Variants in APC observed in about 807,000 individuals in gnomAD.
The protein encoded by APC is APC regulator of Wnt signaling pathway, also known as adenomatous polyposis coli protein.
A neutral mutation model predicts 247.0 loss-of-function variants in APC; 72 were observed. The observed-to-expected ratio is 0.29, with a 90% CI of 0.24 to 0.35. The LOEUF (loss-of-function observed/expected upper bound fraction) is 0.35, where lower values mean the gene tolerates loss of function less well. Ranked by LOEUF, APC falls within the 10% of genes least tolerant of loss-of-function variation. The pLI is 1.00. For synonymous variants in APC, 1,254 were observed against 1,162.5 expected (o/e 1.08, Z -1.60); for missense variants, 3,400 against 3,360.7 (o/e 1.01, Z -0.29).
intron 8 of APC, among the ~76,000 whole-genome samples, chr5:112,805,069 A>G (rs1182655249): frequency 6.6e-6 from 1 of 152,002 alleles, no homozygotes; most frequent in Non-Finnish European, 1.5e-5. Context: ...TAATGTGTGT[A>G]TATGCATAGA....
At chr5:112,734,374 C>CT, upstream of APC, among the ~76,000 whole-genome samples, 1 of 152,314 alleles carries the variant, frequency 6.6e-6, no homozygotes, top group East Asian at 1.9e-4. Flanking sequence ...ACACATCTAA[C>CT]TTATCTCTTC....
At position 112,815,544 on chromosome 5, in the gene APC, G is replaced by T. The variant is rs752996559; in HGVS notation, c.884G>T (p.Ser295Ile). The change falls in exon 9 of 16, where the codon AGT becomes ATT. Residue 295 changes from serine to isoleucine, a missense_variant. By Grantham distance (142) the Ser-to-Ile change is moderately radical (BLOSUM62 -2). Around this residue, in one of 9 missense-constraint regions of APC, gnomAD observed 372 missense variants for 367.6 expected, o/e 1.01. Coordinates refer to ENST00000257430, the MANE Select transcript of APC (RefSeq NM_000038.6). ...GAAACAGCCAGTGTTTTGAGTTCTA[G>T]TAGCACACACTCTGCACCTCGAAGG... ...DHETASVLSS[S>I]STHSAPRRLT... The T allele has an allele frequency of 2.5e-6, 4 of 1,612,472 alleles. No individual in the cohort carries two copies. Among genetic ancestry groups the T allele is most frequent in the Middle Eastern group, 1.7e-4 (1 of 6,044 alleles).
At chr5:112,727,330 A>T (rs972685953) in intron 1 of APC, among the ~76,000 whole-genome samples, 1 of 152,198 alleles carries the variant, frequency 6.6e-6, no homozygotes, top group Admixed American at 6.5e-5. Context: ...AAAAAGGAAG[A>T]AAATGGTATA....
In APC at chr5:112,775,612, TAA is replaced by T. The variant is rs730881230; in HGVS notation, c.423-5_423-4del. 435 of 1,164,332 alleles carry T rather than the reference TAA, an allele frequency of 3.7e-4. No individual in the cohort carries two copies. The highest frequency in any genetic ancestry group is 5.5e-4 in the South Asian group (37 of 67,328). 72.1% of individuals were successfully genotyped at this position (1,164,332 alleles called of 1,614,324 possible). Reference sequence around the variant, plus strand: ...AGCATTGTTTAAACGTACCTTTTTTTAAAAAAAAAAAAATAGGTCATTGCTTC... The same window carrying T: ...AGCATTGTTTAAACGTACCTTTTTTTAAAAAAAAAAATAGGTCATTGCTTC... On this transcript the variant is annotated splice_polypyrimidine_tract_variant and intron_variant, in intron 4 of 15. Coordinates refer to ENST00000257430, the MANE Select transcript of APC (RefSeq NM_000038.6).
At chr5:112,804,758 C>G (rs951753660) in intron 8 of APC, among the ~76,000 whole-genome samples, 1 of 152,048 alleles carries the variant, frequency 6.6e-6, no homozygotes, top group Admixed American at 6.6e-5. Context: ...CTTAGGGAGG[C>G]CAAGCGGGAA....
chr5:112,841,800 G>A lies in APC; in HGVS notation c.6206G>A (p.Gly2069Asp), dbSNP rs1254674705. The change falls in exon 16 of 16, where the codon GGT (glycine) becomes GAT (aspartate). Residue 2069 changes from glycine to aspartate, a missense_variant. Transcript: ENST00000257430. The surrounding 1 kb of genome is among the most constrained non-coding windows in gnomAD (Gnocchi z 4.6). ...DNEKHSPRNM[G>D]GILGEDLTLD... ...GAAAAACATAGTCCCAGAAATATGG[G>A]TGGCATATTAGGTGAAGATCTGACA... 1 of 1,614,062 alleles carries A rather than the reference G, an allele frequency of 6.2e-7. No individual in the cohort carries two copies. Among genetic ancestry groups the A allele is most frequent in the Admixed American group, 1.7e-5 (1 of 60,018 alleles).
chr5:112,740,745 C>G (rs190247441), intron 1 of APC, among the ~76,000 whole-genome samples: 1 of 151,798 alleles, frequency 6.6e-6, no homozygotes, highest in East Asian at 1.9e-4. Context: ...AGGGTGGTCT[C>G]GAACTCGTGA....
chr5:112,743,384 G>T (rs952461671), intron 1 of APC, among the ~76,000 whole-genome samples: 1 of 151,976 alleles, frequency 6.6e-6, no homozygotes, highest in African/African-American at 2.4e-5. Context: ...GGCCATCTTT[G>T]TGGGGCCATA....
rs767875993 is a variant in APC at position 112,775,651 on chromosome 5, G to C, written c.445G>C (p.Asp149His). 3.7e-6 allele frequency: 6 copies of C among 1,602,792 alleles called. No homozygotes were observed. In the South Asian group the frequency reaches 4.5e-5, roughly 12 times the overall value. The change falls in exon 5 of 16, where the codon GAC becomes CAC. Residue 149 changes from aspartate (D) to histidine (H), a missense_variant. Asp to His is a moderately conservative substitution (Grantham distance 81). This residue lies in a region of APC where 372 missense variants were observed against 367.6 expected (regional missense o/e 1.01). Transcript: ENST00000257430. ...KERSLLLADL[D>H]KEEKEKDWYY... is the part of the protein sequence containing the mutation. The stretch of plus-strand genomic sequence containing the variant: ...TAGGTCATTGCTTCTTGCTGATCTT[G>C]ACAAAGAAGAAAAGGAAAAAGACTG...
intron 15 of APC, among the ~76,000 whole-genome samples, chr5:112,835,923 T>G (rs556367955): frequency 3.2e-4 from 49 of 151,250 alleles, no homozygotes; most frequent in Admixed American, 4.6e-4. Context: ...TCTGCTAGAG[T>G]TGTAAAACCC....
chr5:112,751,684 A>T (rs67348312), intron 1 of APC, among the ~76,000 whole-genome samples: 7,956 of 150,426 alleles, frequency 0.053, 267 homozygotes, highest in Non-Finnish European at 0.078. Context: ...ATATTATTAT[A>T]ATAATATTTC....
rs1432280780 is a variant in APC at position 112,719,327 on chromosome 5, C to A, written c.165+11445C>A. Among the ~76,000 whole-genome samples the A allele has an allele frequency of 2.0e-5, 3 of 152,060 alleles. No homozygotes were observed. The East Asian group carries it at 5.8e-4, about 29-fold the overall frequency. On this transcript the variant is annotated intron_variant, in intron 1 of 13. Coordinates refer to the APC transcript ENST00000507379. ...CTGCTTTCTAGGTTCAAGCAATTCT[C>A]CTGCCTCAGCCCTCCGAGTAGCTGG...
chr5:112,761,838 A>G (rs982869250), intron 2 of APC, among the ~76,000 whole-genome samples: 2 of 152,212 alleles, frequency 1.3e-5, no homozygotes, highest in African/African-American at 4.8e-5. Context: ...TGGGTGGGCA[A>G]AATTTCTTAG....
rs1294260111 is a variant in APC at position 112,707,864 on chromosome 5, C to G, written c.147C>G (p.His49Gln). 3 of 1,369,582 alleles carry G rather than the reference C, an allele frequency of 2.2e-6. No individual in the cohort carries two copies. The South Asian group carries it at 3.7e-5, about 17-fold the overall frequency. 84.8% of individuals were successfully genotyped at this position (1,369,582 alleles called of 1,614,324 possible). The change falls in exon 1 of 14, where the codon CAC becomes CAG. Residue 49 changes from histidine (H) to glutamine (Q), a missense_variant. Physicochemically the swap from His to Gln is conservative, Grantham distance 24. Transcript: ENST00000507379. ...CGGGCGGCGCTCGTACTTCTGGCCA[C>G]TGGGCGAGCGTCTGGCAGGTGAGTG...
chr5:112,718,631 C>T (rs1244775221), intron 1 of APC, among the ~76,000 whole-genome samples: 1 of 152,244 alleles, frequency 6.6e-6, no homozygotes, highest in Non-Finnish European at 1.5e-5. Flanking sequence ...GCTGGGGTCA[C>T]CTTTCTGGGT....
intron 8 of APC, among the ~76,000 whole-genome samples, chr5:112,802,512 G>A (rs1760935667): frequency 6.6e-6 from 1 of 152,118 alleles, no homozygotes; most frequent in African/African-American, 2.4e-5. Flanking sequence ...TACTCGTAGT[G>A]CTTTGGGTCA....
chr5:112,760,843 T>A (rs1357260613), intron 2 of APC, among the ~76,000 whole-genome samples: 1 of 151,498 alleles, frequency 6.6e-6, no homozygotes, highest in East Asian at 1.9e-4. Context: ...AGAGTCTCGC[T>A]CTGTCGCCCA....
intron 1 of APC, among the ~76,000 whole-genome samples, chr5:112,726,252 C>T (rs193216853): frequency 6.6e-6 from 1 of 152,284 alleles, no homozygotes; most frequent in East Asian, 1.9e-4. Flanking sequence ...TGTCTGGCAT[C>T]CAGGAAGATT....
At chr5:112,782,836 A>G (rs537438963) in intron 6 of APC, among the ~76,000 whole-genome samples, 29 of 152,324 alleles carry the variant, frequency 1.9e-4, no homozygotes, top group African/African-American at 5.8e-4. Context: ...AAGATAACTT[A>G]CAAATTGGGA....
Sources: allele counts gnomAD v4.1 joint callset (sites outside exome capture counted in the v4.1 genomes callset), GRCh38; gene constraint gnomAD v4.1.1; regional missense constraint gnomAD v4.1.1; non-coding constraint Gnocchi (gnomAD v3.1); transcripts MANE v1.5; gene names NCBI Gene and HGNC (gene_info 2026-07-23, HGNC 2026-07-21).